The following NAV2 variants were observed in gnomAD, a reference collection of about 807,000 sequenced individuals.
The protein encoded by NAV2 is neuron navigator 2.
In NAV2, 54 loss-of-function variants were observed where a neutral mutation model predicts 223.2. The observed-to-expected ratio is 0.24, with a 90% confidence interval of 0.19 to 0.30. The LOEUF is 0.30. NAV2 is among the 10% of genes least tolerant of loss of function. The pLI is 1.00. For missense variants in NAV2, 2,806 were observed against 3,147.5 expected (o/e 0.89, Z 2.60); for synonymous variants, 1,279 against 1,239.3 (o/e 1.03, Z -0.67).
chr11:19,525,956 A>G (rs2043829769), intron 1 of NAV2, among the ~76,000 whole-genome samples: 1 of 152,142 alleles, frequency 6.6e-6, no homozygotes, highest in African/African-American at 2.4e-5. Context: ...TCTCGGGGAC[A>G]GGTCCCACCT....
At chr11:19,452,143 T>A (rs1851811144) in intron 1 of NAV2, among the ~76,000 whole-genome samples, 1 of 139,296 alleles carries the variant, frequency 7.2e-6, no homozygotes, top group Non-Finnish European at 1.6e-5. Flanking sequence ...TGTGTGTGTG[T>A]GTGTGTGTAA....
chr11:19,378,067 C>G (rs1283871759), intron 1 of NAV2, among the ~76,000 whole-genome samples: 1 of 152,174 alleles, frequency 6.6e-6, no homozygotes, highest in Non-Finnish European at 1.5e-5. Context: ...GAACAAACAG[C>G]TCCTCTCCAG....
rs61751935 is a variant in NAV2 at position 19,933,298 on chromosome 11, G to A, written c.1054G>A (p.Gly352Ser). ...CSTSSAIPQP[G>S]AATKPWRSKS... ...TACCTCCTCGGCCATCCCGCAGCCC[G>A]GTGCAGCCACCAAGCCTTGGCGCAG... Residue 352 changes from glycine to serine, a missense_variant, in exon 7 of 38, where the codon GGT becomes AGT. Gly to Ser is a moderately conservative substitution (Grantham distance 56, BLOSUM62 0). This residue lies in a region of NAV2 where 1,167 missense variants were observed against 1,180.5 expected (regional missense o/e 0.99). Coordinates refer to ENST00000349880, the MANE Select transcript of NAV2 (RefSeq NM_145117.5). This position sits in a 1 kb window ranked among gnomAD's most constrained non-coding sequence, Gnocchi z 4.3. 584 of 1,613,484 alleles carry A rather than the reference G, an allele frequency of 3.6e-4. 1 individual carries two copies. Among genetic ancestry groups the A allele is most frequent in the Middle Eastern group, 2.1e-3 (13 of 6,060 alleles).
intron 1 of NAV2, among the ~76,000 whole-genome samples, chr11:19,573,360 C>T (rs573079496): frequency 6.6e-5 from 10 of 152,246 alleles, no homozygotes; most frequent in Admixed American, 5.2e-4. Context: ...TTACCCACTC[C>T]GAACTGGAAG....
chr11:19,366,844 C>A (rs568924754), intron 1 of NAV2, among the ~76,000 whole-genome samples: 2 of 152,162 alleles, frequency 1.3e-5, no homozygotes, highest in Non-Finnish European at 2.9e-5. Context: ...GTCCCTTCCC[C>A]GTCCTCCCAC....
At chr11:19,962,306 G>C (rs1446159920) in intron 10 of NAV2, among the ~76,000 whole-genome samples, 1 of 151,948 alleles carries the variant, frequency 6.6e-6, no homozygotes, top group Non-Finnish European at 1.5e-5. Context: ...AGAGTCTACT[G>C]ATTTAACCGT....
chr11:19,989,387 G>T (rs1303533933), intron 11 of NAV2, among the ~76,000 whole-genome samples: 1 of 152,136 alleles, frequency 6.6e-6, no homozygotes, highest in Non-Finnish European at 1.5e-5. Context: ...TCTATGTAGG[G>T]GAAAAGCCAT....
At chr11:19,746,676 C>T (rs1050165847) in intron 1 of NAV2, among the ~76,000 whole-genome samples, 2 of 151,958 alleles carry the variant, frequency 1.3e-5, no homozygotes, top group African/African-American at 4.8e-5. Flanking sequence ...TCTTCTAACC[C>T]CTTTGCCACA....
chr11:20,000,267 C>T (rs1384788367), intron 11 of NAV2, among the ~76,000 whole-genome samples: 2 of 152,202 alleles, frequency 1.3e-5, no homozygotes, highest in African/African-American at 4.8e-5. Flanking sequence ...TTAAAATCCC[C>T]AGCAAAGGTC....
intron 8 of NAV2, among the ~76,000 whole-genome samples, chr11:19,941,507 C>T: frequency 7.5e-6 from 1 of 132,548 alleles, no homozygotes; most frequent in Middle Eastern, 3.6e-3. Context: ...AATGACAGTG[C>T]ATGGTAGGAC....
chr11:19,522,278 T>C (rs1468868675), intron 1 of NAV2, among the ~76,000 whole-genome samples: 1 of 152,028 alleles, frequency 6.6e-6, no homozygotes, highest in East Asian at 1.9e-4. Context: ...GGCATTCGCC[T>C]CCCTCCATCG....
upstream of NAV2, among the ~76,000 whole-genome samples, chr11:19,349,756 G>T (rs1173090872): frequency 2.0e-5 from 3 of 152,062 alleles, no homozygotes; most frequent in Non-Finnish European, 4.4e-5. Flanking sequence ...TTTATGGGAG[G>T]GTGTACCAAG....
chr11:19,554,975 A>T (rs866302985), intron 1 of NAV2, among the ~76,000 whole-genome samples: 29 of 147,878 alleles, frequency 2.0e-4, no homozygotes, highest in South Asian at 1.5e-3. Flanking sequence ...TAAATTTTTT[A>T]AAAATGGGGT....
chr11:19,946,595 G>A, intron 9 of NAV2, 86 bp downstream of exon 9: 1 of 1,104,900 alleles, frequency 9.1e-7, no homozygotes, highest in Non-Finnish European at 1.3e-6. Flanking sequence ...AAAGCGATTT[G>A]GTTATAATGG....
intron 10 of NAV2, among the ~76,000 whole-genome samples, chr11:19,974,290 G>T (rs183957522): frequency 6.6e-6 from 1 of 152,258 alleles, no homozygotes; most frequent in Non-Finnish European, 1.5e-5. Flanking sequence ...CAGACTTGGG[G>T]GAAAGGATGA....
intron 1 of NAV2, among the ~76,000 whole-genome samples, chr11:19,566,101 C>T (rs1317131136): frequency 1.6e-5 from 2 of 121,322 alleles, no homozygotes; most frequent in Non-Finnish European, 1.8e-5. Context: ...CAGGGCTTCG[C>T]TCTGTCACCC....
intron 19 of NAV2, among the ~76,000 whole-genome samples, chr11:20,056,941 A>C (rs976295797): frequency 6.6e-6 from 1 of 152,222 alleles, no homozygotes; most frequent in African/African-American, 2.4e-5. Flanking sequence ...GGCCTGTAAT[A>C]ACACAGCCGT....
At chr11:20,043,346 C>A (rs1018596892) in intron 12 of NAV2, among the ~76,000 whole-genome samples, 2 of 152,190 alleles carry the variant, frequency 1.3e-5, no homozygotes, top group Non-Finnish European at 2.9e-5. Flanking sequence ...GGCTGAATTC[C>A]CACTGCATCT....
At chr11:19,811,151 A>G (rs1471653041) in intron 1 of NAV2, among the ~76,000 whole-genome samples, 1 of 152,328 alleles carries the variant, frequency 6.6e-6, no homozygotes, top group East Asian at 1.9e-4. Context: ...TCTAAATATT[A>G]TCCAGTTCAG....
Sources: allele counts gnomAD v4.1 joint callset (sites outside exome capture counted in the v4.1 genomes callset), GRCh38; gene constraint gnomAD v4.1.1; regional missense constraint gnomAD v4.1.1; non-coding constraint Gnocchi (gnomAD v3.1); transcripts MANE v1.5; gene names NCBI Gene and HGNC (gene_info 2026-07-23, HGNC 2026-07-21).